ARRDC4: variants seen among roughly 807,000 people sequenced by gnomAD.
ARRDC4 encodes the protein arrestin domain containing 4, also known as arrestin domain-containing protein 4.
A neutral mutation model predicts 44.6 loss-of-function variants in ARRDC4; 40 were observed. That is an observed-to-expected ratio of 0.90 (90% CI 0.70 to 1.17). The LOEUF is 1.17. Ranked by LOEUF, ARRDC4 falls within the 50% of genes most tolerant of loss-of-function variation. The probability of loss-of-function intolerance (pLI) is 0.00; values close to 1 mark genes in which losing one functional copy is unlikely to be tolerated. For missense variants in ARRDC4, 550 were observed against 559.1 expected (o/e 0.98, Z 0.16); for synonymous variants, 211 against 221.2 (o/e 0.95, Z 0.41).
chr15:97,962,140 A>G (rs1899334483), intron 1 of ARRDC4, among the ~76,000 whole-genome samples: 1 of 152,230 alleles, frequency 6.6e-6, no homozygotes. Context: ...CTTGAAGAGT[A>G]AACGCATTAT....
In ARRDC4 at chr15:97,969,135, C is replaced by T; in HGVS notation, c.638C>T (p.Pro213Leu). The change falls in exon 5 of 8, where the codon CCA becomes CTA. Residue 213 changes from proline (P) to leucine (L), a missense_variant. Pro to Leu is a moderately conservative substitution (Grantham distance 98, BLOSUM62 -3). Coordinates refer to ENST00000268042, the MANE Select transcript of ARRDC4 (RefSeq NM_183376.3). ...RKGYCNGEAI[P>L]IYAEIENCSS... ...GTTTTCTTTTTAGGAGAAGCTATTC[C>T]AATCTATGCAGAAATAGAAAATTGT... 1.2e-6 allele frequency: 2 copies of T among 1,613,340 alleles called. No homozygotes were observed. The highest frequency in any genetic ancestry group is 1.7e-6 in the Non-Finnish European group (2 of 1,179,394).
chr15:97,967,646 C>T lies in ARRDC4; in HGVS notation c.523-368C>T, dbSNP rs1354822700. Among the ~76,000 whole-genome samples, 1 of 152,014 alleles carries T rather than the reference C, an allele frequency of 6.6e-6. No homozygotes were observed. The highest frequency in any genetic ancestry group is 2.4e-5 in the African/African-American group (1 of 41,400). ...TATTTTTATATCATTTATCCTTCCA[C>T]CTGACTTTTATATATAAAGTCTTAA... is the stretch of plus-strand genomic sequence containing the variant. On this transcript the variant is annotated intron_variant, in intron 3 of 7. Coordinates refer to ENST00000268042, the MANE Select transcript of ARRDC4 (RefSeq NM_183376.3). The surrounding 1 kb of genome is among the most constrained non-coding windows in gnomAD (Gnocchi z 5.0).
chr15:97,970,651 C>T lies in ARRDC4; in HGVS notation c.1108C>T (p.Pro370Ser). 6.2e-7 allele frequency: 1 copy of T among 1,613,444 alleles called. No individual in the cohort carries two copies. Among genetic ancestry groups the T allele is most frequent in the Non-Finnish European group, 8.5e-7 (1 of 1,179,584 alleles). ...EEFSRHIPPY[P>S]QPPNCEGEVC... is the part of the protein sequence containing the mutation. Reference sequence around the variant, plus strand: ...ATTCTCTAGACACATTCCTCCTTACCCTCAACCCCCTAACTGTGAGGGAGA... The same window carrying T: ...ATTCTCTAGACACATTCCTCCTTACTCTCAACCCCCTAACTGTGAGGGAGA... Residue 370 changes from proline (P) to serine (S), a missense_variant, in exon 7 of 8, where the codon CCT (proline) becomes TCT (serine). Pro to Ser is a moderately conservative substitution (Grantham distance 74). Coordinates refer to ENST00000268042, the MANE Select transcript of ARRDC4 (RefSeq NM_183376.3). The surrounding 1 kb of genome is among the most constrained non-coding windows in gnomAD (Gnocchi z 4.2).
At position 97,970,046 on chromosome 15, in the gene ARRDC4, G is replaced by A; in HGVS notation, c.1045+1G>A. 6.2e-7 allele frequency: 1 copy of A among 1,602,750 alleles called. No individual in the cohort carries two copies. The highest frequency in any genetic ancestry group is 1.3e-5 in the African/African-American group (1 of 74,628). ...CTGACCCTGCCAGAGCAGCCTGAAG[G>A]TAAAATATGTTGGCGTTCTTTCATA... On this transcript the variant is annotated splice_donor_variant, in intron 6 of 7. Coordinates refer to ENST00000268042, the MANE Select transcript of ARRDC4 (RefSeq NM_183376.3). LOFTEE classifies it high-confidence loss of function. This position sits in a 1 kb window ranked among gnomAD's most constrained non-coding sequence, Gnocchi z 4.2.
Position 97,960,954 on chromosome 15 carries a change from C to T in ARRDC4, c.93C>T (p.Cys31=). ...TGTTCGAGGACGAGCGCAAGGGCTG[C>T]TATTCCAGCGGCGAGACAGTGGCCG... ...GLVFEDERKG[C]YSSGETVAGH... is the part of the protein sequence containing the mutation. Residue 31 remains cysteine (C), a synonymous_variant, in exon 1 of 8, where the codon TGC becomes TGT. Coordinates refer to ENST00000268042, the MANE Select transcript of ARRDC4 (RefSeq NM_183376.3). 2 of 1,469,368 alleles carry T rather than the reference C, an allele frequency of 1.4e-6. No homozygotes were observed. The highest frequency in any genetic ancestry group is 1.8e-6 in the Non-Finnish European group (2 of 1,108,704). 91.0% of individuals were successfully genotyped at this position (1,469,368 alleles called of 1,614,324 possible). A position where few individuals can be genotyped will look rare whatever the true frequency, so the allele number is the denominator to read the frequency against.
intron 1 of ARRDC4, among the ~76,000 whole-genome samples, chr15:97,963,658 A>G (rs918510353): frequency 6.6e-6 from 1 of 152,146 alleles, no homozygotes; most frequent in African/African-American, 2.4e-5. Context: ...TGGGTGCTCT[A>G]GGTTCTAGCA....
At chr15:97,962,144 G>C (rs904240296) in intron 1 of ARRDC4, among the ~76,000 whole-genome samples, 1 of 152,132 alleles carries the variant, frequency 6.6e-6, no homozygotes, top group African/African-American at 2.4e-5. Context: ...AAGAGTAAAC[G>C]CATTATATCT....
rs1443171611 is a variant in ARRDC4 at position 97,966,842 on chromosome 15, AT to A, written c.522+803del. On this transcript the variant is annotated intron_variant, in intron 3 of 7. Coordinates refer to ENST00000268042, the MANE Select transcript of ARRDC4 (RefSeq NM_183376.3). This position sits in a 1 kb window ranked among gnomAD's most constrained non-coding sequence, Gnocchi z 4.7. The stretch of plus-strand genomic sequence containing the variant: ...TTACTTCATAGAAAATACTGAGATA[AT>A]TTAAACTTTCCATCACGATACTGAT... 6.6e-6 allele frequency among the ~76,000 whole-genome samples: 1 copy of A among 152,216 alleles called. No homozygotes were observed. The highest frequency in any genetic ancestry group is 2.4e-5 in the African/African-American group (1 of 41,448).
chr15:97,963,329 GAAAGAGGAAAAGAA>G (rs1226778042), intron 1 of ARRDC4, among the ~76,000 whole-genome samples: 1 of 152,160 alleles, frequency 6.6e-6, no homozygotes. Context: ...CAAAACTTGA[GAAAGAGGAAAAGAA>G]AACAAAGATT....
rs1051783777 is a variant in ARRDC4, at chr15:97,965,369, G to A, written c.308-231G>A. On this transcript the variant is annotated intron_variant, in intron 1 of 7. Transcript: ENST00000268042. The surrounding 1 kb of genome is among the most constrained non-coding windows in gnomAD (Gnocchi z 5.1). ...AGATTGCTTGAGCCCAGGAGTTCAAGGCCGTAGCACTCTGGCCTGGGCAAT... is the reference window on the plus strand; with the variant it reads ...AGATTGCTTGAGCCCAGGAGTTCAAAGCCGTAGCACTCTGGCCTGGGCAAT... Among the ~76,000 whole-genome samples the A allele has an allele frequency of 6.6e-6, 1 of 151,856 alleles. No homozygotes were observed. Among genetic ancestry groups the A allele is most frequent in the African/African-American group, 2.4e-5 (1 of 41,324 alleles).
At chr15:97,963,435 A>G (rs148921533) in intron 1 of ARRDC4, among the ~76,000 whole-genome samples, 51 of 152,316 alleles carry the variant, frequency 3.3e-4, no homozygotes, top group African/African-American at 1.2e-3. Context: ...TGAAAGTCTC[A>G]TTTTAAATGA....
In ARRDC4 at chr15:97,961,070, G is replaced by A; in HGVS notation, c.209G>A (p.Ser70Asn). 1 of 1,434,160 alleles carries A rather than the reference G, an allele frequency of 7.0e-7. No homozygotes were observed. Among genetic ancestry groups the A allele is most frequent in the Non-Finnish European group, 9.1e-7 (1 of 1,099,556 alleles). 88.8% of individuals were successfully genotyped at this position (1,434,160 alleles called of 1,614,324 possible). A position where few individuals can be genotyped will look rare whatever the true frequency, so the allele number is the denominator to read the frequency against. ...QGRATAAWGP[S>N]TCPRASASTA... is the part of the protein sequence containing the mutation. ...CGCGCCACCGCCGCCTGGGGCCCGA[G>A]CACCTGCCCCCGCGCCTCGGCCAGC... The change falls in exon 1 of 8, where the codon AGC becomes AAC. Residue 70 changes from serine to asparagine, a missense_variant. Coordinates refer to ENST00000268042, the MANE Select transcript of ARRDC4 (RefSeq NM_183376.3).
chr15:97,960,920 T>C lies in ARRDC4; in HGVS notation c.59T>C (p.Leu20Pro). The C allele has an allele frequency of 6.9e-7, 1 of 1,456,036 alleles. No individual in the cohort carries two copies. The highest frequency in any genetic ancestry group is 1.4e-5 in the South Asian group (1 of 74,042). The allele number at this position is 1,456,036 out of a possible 1,614,324, so 90.2% of individuals were successfully genotyped here. A position where few individuals can be genotyped will look rare whatever the true frequency, so the allele number is the denominator to read the frequency against. The change falls in exon 1 of 8, where the codon CTG becomes CCG. Residue 20 changes from leucine (L) to proline (P), a missense_variant. Coordinates refer to ENST00000268042, the MANE Select transcript of ARRDC4 (RefSeq NM_183376.3). ...AVGAEGRVKS[L>P]GLVFEDERKG... is the part of the protein sequence containing the mutation. ...GGTGCCGAGGGCCGCGTGAAGAGCC[T>C]GGGTCTGGTGTTCGAGGACGAGCGC...
At position 97,961,156 on chromosome 15, in the gene ARRDC4, G is replaced by A. The variant is rs963538154; in HGVS notation, c.295G>A (p.Glu99Lys). The A allele has an allele frequency of 2.8e-6, 4 of 1,440,590 alleles. No individual in the cohort carries two copies. In the African/African-American group the frequency reaches 4.5e-5, roughly 16 times the overall value. 89.2% of individuals were successfully genotyped at this position (1,440,590 alleles called of 1,614,324 possible). The change falls in exon 1 of 8, where the codon GAG becomes AAG. Residue 99 changes from glutamate to lysine, a missense_variant. Coordinates refer to ENST00000268042, the MANE Select transcript of ARRDC4 (RefSeq NM_183376.3). Reference sequence around the variant, plus strand: ...CCTGAACGTGCGCCTCAGCCTGCGGGAGCCCCCGGCCGGTAAGCGCAGGCG... The same window carrying A: ...CCTGAACGTGCGCCTCAGCCTGCGGAAGCCCCCGGCCGGTAAGCGCAGGCG... ...EYLNVRLSLR[E>K]PPAGEGIILL...
Position 97,970,037 on chromosome 15 carries a change from A to G in ARRDC4, c.1037A>G (p.Gln346Arg). The change falls in exon 6 of 8, where the codon CAG (glutamine) becomes CGG (arginine). Residue 346 changes from glutamine to arginine, a missense_variant. Gln to Arg is a conservative substitution (Grantham distance 43). Coordinates refer to ENST00000268042, the MANE Select transcript of ARRDC4 (RefSeq NM_183376.3). This position sits in a 1 kb window ranked among gnomAD's most constrained non-coding sequence, Gnocchi z 4.2. ...MSWLTLTLPE[Q>R]PEAPPNYADV... The stretch of plus-strand genomic sequence containing the variant: ...TGGTTGACACTGACCCTGCCAGAGC[A>G]GCCTGAAGGTAAAATATGTTGGCGT... 7 of 1,605,116 alleles carry G rather than the reference A, an allele frequency of 4.4e-6. No homozygotes were observed. In the South Asian group the frequency reaches 5.5e-5, roughly 13 times the overall value.
chr15:97,969,184 G>GGCTGCTATTTTCCAAAC lies in ARRDC4; in HGVS notation c.690_706dup (p.Gln236LeufsTer43). ...GTTCCTCTCGTCTGATTGTTCCAAAGGCTGCTATTTTCCAAACGCAGACAT... is the reference window on the plus strand; with the variant it reads ...GTTCCTCTCGTCTGATTGTTCCAAAGGCTGCTATTTTCCAAACGCTGCTATTTTCCAAACGCAGACAT... On this transcript the variant is annotated frameshift_variant, in exon 5 of 8. Transcript: ENST00000268042. LOFTEE classifies it high-confidence loss of function. 3 of 1,613,844 alleles carry GGCTGCTATTTTCCAAAC rather than the reference G, an allele frequency of 1.9e-6. No homozygotes were observed. The highest frequency in any genetic ancestry group is 2.5e-6 in the Non-Finnish European group (3 of 1,179,868).
rs1239105432 is a variant in ARRDC4 at position 97,973,591 on chromosome 15, G to T, written c.*2404G>T. The stretch of plus-strand genomic sequence containing the variant: ...GCCTTGGAATTTTCATTTTGATGCA[G>T]AAATTTTGAAATTGAAAATGTGCAT... On this transcript the variant is annotated 3_prime_UTR_variant, in exon 8 of 8. Coordinates refer to ENST00000268042, the MANE Select transcript of ARRDC4 (RefSeq NM_183376.3). The T allele has an allele frequency of 6.6e-6, 1 of 152,572 alleles. No individual in the cohort carries two copies. Among genetic ancestry groups the T allele is most frequent in the African/African-American group, 2.4e-5 (1 of 41,446 alleles). 9.5% of individuals were successfully genotyped at this position (152,572 alleles called of 1,614,324 possible).
intron 1 of ARRDC4, among the ~76,000 whole-genome samples, chr15:97,963,984 G>A (rs1269848160): frequency 1.3e-5 from 2 of 152,106 alleles, no homozygotes; most frequent in Middle Eastern, 3.2e-3. Context: ...GACCCGCCCT[G>A]CCACTGAATT....
In ARRDC4 at chr15:97,971,316, G is replaced by A; in HGVS notation, c.*129G>A. The stretch of plus-strand genomic sequence containing the variant: ...ATGAACGTCAAGACTGAAGGCAATA[G>A]AAATTAAAGAATGTGAGAAAGTTCT... On this transcript the variant is annotated 3_prime_UTR_variant, in exon 8 of 8. Coordinates refer to ENST00000268042, the MANE Select transcript of ARRDC4 (RefSeq NM_183376.3). 1 of 933,128 alleles carries A rather than the reference G, an allele frequency of 1.1e-6. No homozygotes were observed. The highest frequency in any genetic ancestry group is 1.6e-6 in the Non-Finnish European group (1 of 611,444). 57.8% of individuals were successfully genotyped at this position (933,128 alleles called of 1,614,324 possible). A position where few individuals can be genotyped will look rare whatever the true frequency, so the allele number is the denominator to read the frequency against.
Sources: gnomAD v4.1 joint callset for allele counts (sites outside exome capture counted in the v4.1 genomes callset) on GRCh38, gnomAD v4.1.1 for gene constraint, Gnocchi (gnomAD v3.1) non-coding constraint, MANE v1.5 for transcripts, NCBI Gene and HGNC (gene_info 2026-07-23, HGNC 2026-07-21) for gene names.